Variants in UNC80 observed in about 807,000 individuals in gnomAD.
UNC80 encodes the protein unc-80 subunit of NALCN channel complex.
Under a neutral mutation model 384.6 loss-of-function variants are expected in UNC80, and 164 were observed. The observed-to-expected ratio is 0.43, with a 90% CI of 0.38 to 0.49. The LOEUF (loss-of-function observed/expected upper bound fraction) is 0.49. Among genes scored for constraint, UNC80 ranks in the 20% least tolerant of loss-of-function variants. UNC80 has a pLI of 0.00. For synonymous variants in UNC80, 1,486 were observed against 1,527.8 expected, an observed-to-expected ratio of 0.97 and a Z score of 0.64; for missense variants, 3,330 against 4,143.0, an observed-to-expected ratio of 0.80 and a Z score of 5.39.
rs768634664 is a variant in UNC80, at chr2:209,976,976, C to A, written c.8836C>A (p.Leu2946Met). The A allele has an allele frequency of 3.9e-6, 6 of 1,535,574 alleles. No homozygotes were observed. The East Asian group carries it at 1.5e-4, about 38-fold the overall frequency. Residue 2946 changes from leucine to methionine, a missense_variant, in exon 58 of 65, where the codon CTG becomes ATG. This residue lies in a region of UNC80 where 216 missense variants were observed against 245.3 expected (regional missense o/e 0.88). Transcript: ENST00000673920. The surrounding 1 kb of genome is among the most constrained non-coding windows in gnomAD (Gnocchi z 4.3). ...LSARQHIADQ[L>M]ERRFIPRPLC... ...CGCCCGGCAACATATTGCCGACCAGCTGGAGCGGCGCTTCATACCACGCCC... is the reference window on the plus strand; with the variant it reads ...CGCCCGGCAACATATTGCCGACCAGATGGAGCGGCGCTTCATACCACGCCC...
intron 22 of UNC80, among the ~76,000 whole-genome samples, chr2:209,859,368 AT>A (rs1031643132): frequency 4.6e-5 from 7 of 151,988 alleles, no homozygotes; most frequent in African/African-American, 1.7e-4. Context: ...ACGTTATCTC[AT>A]TTTTTATGGC....
intron 21 of UNC80, among the ~76,000 whole-genome samples, chr2:209,844,582 C>T (rs7559528): frequency 0.02 from 2,940 of 146,222 alleles, 92 homozygotes; most frequent in African/African-American, 0.069. Flanking sequence ...TTCTTTCTTT[C>T]TTTCCTTTCT....
In UNC80 at chr2:209,796,710, T is replaced by A. The variant is rs180853513; in HGVS notation, c.938+2851T>A. Among the ~76,000 whole-genome samples, 439 of 152,324 alleles carry A rather than the reference T, an allele frequency of 2.9e-3. 2 individuals carry two copies. Among genetic ancestry groups the A allele is most frequent in the African/African-American group, 0.01 (428 of 41,564 alleles). On this transcript the variant is annotated intron_variant, in intron 7 of 64. Transcript: ENST00000673920. The stretch of plus-strand genomic sequence containing the variant: ...TTTCTTCTTTTGCTGCTTCTTCATT[T>A]TTCTCTTGCTGCCACCATGTAAGAA...
At chr2:209,899,297 T>C (rs2124922716) in intron 28 of UNC80, among the ~76,000 whole-genome samples, 1 of 152,336 alleles carries the variant, frequency 6.6e-6, no homozygotes, top group East Asian at 1.9e-4. Flanking sequence ...GACCCTAATG[T>C]AAACTGTTGA....
At chr2:209,799,661 G>T (rs1268600828) in intron 7 of UNC80, among the ~76,000 whole-genome samples, 1 of 152,098 alleles carries the variant, frequency 6.6e-6, no homozygotes, top group Non-Finnish European at 1.5e-5. Context: ...GTTTTCAAAG[G>T]GAATGCTTCC....
intron 18 of UNC80, among the ~76,000 whole-genome samples, chr2:209,836,125 A>T (rs1259223936): frequency 6.6e-6 from 1 of 152,244 alleles, no homozygotes; most frequent in Non-Finnish European, 1.5e-5. Context: ...CAATGAAAGG[A>T]TAAAAGTGTC....
chr2:209,985,499 A>G (rs1314718817), intron 61 of UNC80, among the ~76,000 whole-genome samples: 4 of 152,250 alleles, frequency 2.6e-5, no homozygotes, highest in African/African-American at 9.6e-5. Context: ...CTGTTCTAGC[A>G]CAAAGGTGAC....
chr2:209,843,092 T>C (rs747770042), intron 21 of UNC80, among the ~76,000 whole-genome samples: 5 of 152,364 alleles, frequency 3.3e-5, no homozygotes, highest in South Asian at 4.1e-4. Context: ...ATCTTTGATT[T>C]CTTTACTTTT....
intron 5 of UNC80, among the ~76,000 whole-genome samples, chr2:209,787,261 G>A (rs2077502251): frequency 2.2e-5 from 3 of 136,210 alleles, no homozygotes; most frequent in Admixed American, 2.1e-4. Flanking sequence ...ATTTGAATGA[G>A]ACATTGCCAT....
At chr2:209,905,032 G>A (rs2088010516) in intron 29 of UNC80, 67 bp downstream of exon 29, 4 of 1,508,040 alleles carry the variant, frequency 2.7e-6, no homozygotes, top group Non-Finnish European at 3.6e-6. Flanking sequence ...TTTCTTCTCT[G>A]GAAATAAGAA....
rs1473726405 is a variant in UNC80 at position 209,842,354 on chromosome 2, A to G, written c.3362A>G (p.Lys1121Arg). 1 of 1,547,870 alleles carries G rather than the reference A, an allele frequency of 6.5e-7. No homozygotes were observed. The highest frequency in any genetic ancestry group is 1.4e-5 in the African/African-American group (1 of 72,722). The change falls in exon 21 of 65, where the codon AAA becomes AGA. Residue 1121 changes from lysine to arginine, a missense_variant. Transcript: ENST00000673920. ...CCTTTTTTTTTCTTTTTTCAGGTCA[A>G]ATTCACTAGTGCTGTGAAGCTTTCT... ...LSFIRQSSKVKFTSAVKLSEG... is the reference protein window; with the variant it reads ...LSFIRQSSKVRFTSAVKLSEG...
At chr2:209,871,604 A>C (rs957068447) in intron 22 of UNC80, among the ~76,000 whole-genome samples, 1 of 152,180 alleles carries the variant, frequency 6.6e-6, no homozygotes, top group African/African-American at 2.4e-5. Flanking sequence ...ATGATAAATA[A>C]TATTGTGATG....
intron 31 of UNC80, among the ~76,000 whole-genome samples, chr2:209,916,843 A>G (rs577684803): frequency 9.9e-5 from 15 of 152,212 alleles, no homozygotes; most frequent in Non-Finnish European, 1.5e-4. Flanking sequence ...TATACTTTAG[A>G]AATGCGTTGT....
At chr2:209,883,839 G>A (rs992770547) in intron 25 of UNC80, among the ~76,000 whole-genome samples, 11 of 152,146 alleles carry the variant, frequency 7.2e-5, no homozygotes, top group Non-Finnish European at 1.3e-4. Flanking sequence ...TTAGGATAAT[G>A]TCTTCAGAGT....
intron 14 of UNC80, among the ~76,000 whole-genome samples, chr2:209,827,068 A>G (rs1242409400): frequency 6.6e-6 from 1 of 152,042 alleles, no homozygotes; most frequent in Non-Finnish European, 1.5e-5. Context: ...TTATGTTTAT[A>G]TGGGGGTTAT....
In UNC80 at chr2:209,902,049, G is replaced by C. The variant is rs943570934; in HGVS notation, c.4582-2716G>C. Among the ~76,000 whole-genome samples, 8 of 152,240 alleles carry C rather than the reference G, an allele frequency of 5.3e-5. No homozygotes were observed. In the East Asian group the frequency reaches 1.5e-3, roughly 29 times the overall value. ...CTTCTGGAAATGACTCACCATTCTA[G>C]ATGTCATTAAGAACATTTGTGATTC... On this transcript the variant is annotated intron_variant, in intron 28 of 64. Transcript: ENST00000673920.
chr2:209,960,623 T>A (rs982927175), intron 51 of UNC80, among the ~76,000 whole-genome samples: 1 of 152,194 alleles, frequency 6.6e-6, no homozygotes, highest in Non-Finnish European at 1.5e-5. Flanking sequence ...TGCCTTTTTT[T>A]AAATTTAGAA....
chr2:209,943,879 A>G (rs1470625031), intron 45 of UNC80, among the ~76,000 whole-genome samples: 1 of 152,134 alleles, frequency 6.6e-6, no homozygotes, highest in Non-Finnish European at 1.5e-5. Context: ...GCCAGTTGTT[A>G]CAGAGGTTAT....
chr2:209,900,486 C>T (rs2087274969), intron 28 of UNC80, among the ~76,000 whole-genome samples: 1 of 152,138 alleles, frequency 6.6e-6, no homozygotes, highest in African/African-American at 2.4e-5. Flanking sequence ...TGTGTGTTCT[C>T]ATTGCTCCAT....
Sources: allele counts gnomAD v4.1 joint callset (sites outside exome capture counted in the v4.1 genomes callset), GRCh38; gene constraint gnomAD v4.1.1; regional missense constraint gnomAD v4.1.1; non-coding constraint Gnocchi (gnomAD v3.1); transcripts MANE v1.5; gene names NCBI Gene and HGNC (gene_info 2026-07-23, HGNC 2026-07-21).